SLC30A8: variants seen among roughly 807,000 people sequenced by gnomAD.
SLC30A8 encodes solute carrier family 30 member 8, also known as proton-coupled zinc antiporter SLC30A8.
SLC30A8 carries 27 observed loss-of-function variants against 36.9 expected under a neutral mutation model. That is an observed-to-expected ratio of 0.73 (90% CI 0.54 to 1.01). The LOEUF is 1.01. SLC30A8 is among the 50% of genes least tolerant of loss of function. The probability of loss-of-function intolerance (pLI) is 0.00; values close to 1 mark genes in which losing one functional copy is unlikely to be tolerated. For synonymous variants in SLC30A8, 164 were observed against 172.4 expected (o/e 0.95, Z 0.38); for missense variants, 439 against 452.0 (o/e 0.97, Z 0.26).
chr8:117,149,097 C>T (rs970354369), intron 2 of SLC30A8, among the ~76,000 whole-genome samples: 1 of 152,066 alleles, frequency 6.6e-6, no homozygotes, highest in Non-Finnish European at 1.5e-5. Flanking sequence ...TAAATCAAAT[C>T]TATGTTTGAT....
chr8:117,073,848 G>A (rs1402934522), intron 2 of SLC30A8, among the ~76,000 whole-genome samples: 2 of 152,066 alleles, frequency 1.3e-5, no homozygotes, highest in East Asian at 3.9e-4. Flanking sequence ...TCTAGTGCCT[G>A]CCTAAGTTCC....
At position 117,019,264 on chromosome 8, in the gene SLC30A8, A is replaced by C. The variant is rs1006997968; in HGVS notation, c.-265-19955A>C. 3.9e-5 allele frequency among the ~76,000 whole-genome samples: 6 copies of C among 152,236 alleles called. No homozygotes were observed. The East Asian group carries it at 1.2e-3, about 29-fold the overall frequency. The stretch of plus-strand genomic sequence containing the variant: ...TCAACGCATTTTTAAAAACTGAATC[A>C]ATGTATATAACAATGTAAACTAGTG... On this transcript the variant is annotated intron_variant, in intron 1 of 10. Transcript: ENST00000427715.
chr8:116,975,644 C>G (rs1814971109), intron 1 of SLC30A8, among the ~76,000 whole-genome samples: 1 of 152,170 alleles, frequency 6.6e-6, no homozygotes, highest in Non-Finnish European at 1.5e-5. Context: ...CTGTTTCCTT[C>G]TGCATTTAGC....
chr8:117,038,879 C>T (rs922879683), intron 1 of SLC30A8, among the ~76,000 whole-genome samples: 4 of 152,148 alleles, frequency 2.6e-5, no homozygotes, highest in African/African-American at 9.7e-5. Flanking sequence ...AAGTGTTTGC[C>T]TTGGTGTTTT....
At chr8:117,131,821 T>C (rs1051828571), upstream of SLC30A8, among the ~76,000 whole-genome samples, 12 of 152,132 alleles carry the variant, frequency 7.9e-5, no homozygotes, top group African/African-American at 2.6e-4. Context: ...TTATCTGTTT[T>C]CCTCTTCACA....
chr8:117,053,936 C>G (rs1817788418), intron 2 of SLC30A8, among the ~76,000 whole-genome samples: 1 of 152,158 alleles, frequency 6.6e-6, no homozygotes, highest in African/African-American at 2.4e-5. Context: ...GAAGTGAGCA[C>G]TCAGTGGTAG....
At chr8:117,046,506 G>T (rs1292094034) in intron 2 of SLC30A8, among the ~76,000 whole-genome samples, 1 of 152,180 alleles carries the variant, frequency 6.6e-6, no homozygotes, top group African/African-American at 2.4e-5. Flanking sequence ...ATAAATTAAA[G>T]AATAGGTGCC....
intron 2 of SLC30A8, among the ~76,000 whole-genome samples, chr8:117,079,020 T>C (rs1324644198): frequency 1.4e-5 from 2 of 146,730 alleles, no homozygotes; most frequent in African/African-American, 5.2e-5. Context: ...CTTTTTTGTC[T>C]TTTTTTTTTG....
At chr8:116,956,869 A>G (rs1814224116) in intron 1 of SLC30A8, among the ~76,000 whole-genome samples, 1 of 152,214 alleles carries the variant, frequency 6.6e-6, no homozygotes, top group African/African-American at 2.4e-5. Flanking sequence ...GACTGGTACC[A>G]ATTACAAAGT....
At chr8:117,052,449 CTA>C (rs1456099197) in intron 2 of SLC30A8, among the ~76,000 whole-genome samples, 2 of 152,370 alleles carry the variant, frequency 1.3e-5, no homozygotes, top group African/African-American at 4.8e-5. Context: ...TGGGAATGAA[CTA>C]TGTTTTGTAT....
chr8:117,057,949 T>G (rs1430363550), intron 2 of SLC30A8, among the ~76,000 whole-genome samples: 1 of 152,172 alleles, frequency 6.6e-6, no homozygotes, highest in Non-Finnish European at 1.5e-5. Flanking sequence ...ATTTTTAATT[T>G]TTTGAGGAAA....
intron 2 of SLC30A8, 105 bp downstream of exon 2, chr8:117,147,258 T>A: frequency 1.0e-6 from 1 of 978,596 alleles, no homozygotes; most frequent in Non-Finnish European, 1.5e-6. Context: ...ATATTTTCTG[T>A]AAGTATAAGG....
intron 1 of SLC30A8, among the ~76,000 whole-genome samples, chr8:116,966,019 G>A (rs574429871): frequency 4.6e-5 from 7 of 151,780 alleles, no homozygotes; most frequent in African/African-American, 1.7e-4. Context: ...AAGTAGCTGG[G>A]ATTACAGGCA....
rs772413486 is a variant in SLC30A8, at chr8:116,963,962, T to G, written c.-266+12843T>G. 1.4e-3 allele frequency among the ~76,000 whole-genome samples: 209 copies of G among 152,356 alleles called. 1 individual carries two copies. Among genetic ancestry groups the G allele is most frequent in the Non-Finnish European group, 2.4e-3 (164 of 68,028 alleles). On this transcript the variant is annotated intron_variant, in intron 1 of 10. Coordinates refer to the SLC30A8 transcript ENST00000427715. Reference sequence around the variant, plus strand: ...AACTTCAAAAGATTGTTCTGAGGATTAATAACCTTTGTGAAACGTTAAAGG... The same window carrying G: ...AACTTCAAAAGATTGTTCTGAGGATGAATAACCTTTGTGAAACGTTAAAGG...
intron 1 of SLC30A8, chr8:117,006,958 T>TTTG: frequency 1.4e-5 from 1 of 70,856 alleles, no homozygotes. Context: ...AATTCTTGTT[T>TTTG]TTTTTTTTTT....
chr8:116,998,669 C>T, intron 1 of SLC30A8, among the ~76,000 whole-genome samples: 1 of 152,060 alleles, frequency 6.6e-6, no homozygotes, highest in Non-Finnish European at 1.5e-5. Context: ...TAGAGTGGCC[C>T]CAAACCCAAT....
chr8:117,115,562 A>T (rs942825244), intron 2 of SLC30A8, among the ~76,000 whole-genome samples: 4 of 152,276 alleles, frequency 2.6e-5, no homozygotes, highest in South Asian at 2.1e-4. Context: ...AATAAGCATG[A>T]GCACCTTCAG....
intron 1 of SLC30A8, among the ~76,000 whole-genome samples, chr8:117,037,578 A>G (rs1055233280): frequency 3.3e-5 from 5 of 152,222 alleles, no homozygotes; most frequent in Admixed American, 3.3e-4. Context: ...TTTTTGAGAT[A>G]AAATGTACCA....
At chr8:116,957,110 C>T (rs1298930768) in intron 1 of SLC30A8, among the ~76,000 whole-genome samples, 1 of 152,000 alleles carries the variant, frequency 6.6e-6, no homozygotes, top group Non-Finnish European at 1.5e-5. Context: ...AAAAAAGTGG[C>T]ATTTTTTATA....
Sources: allele counts gnomAD v4.1 joint callset (sites outside exome capture counted in the v4.1 genomes callset), GRCh38; gene constraint gnomAD v4.1.1; transcripts MANE v1.5; gene names NCBI Gene and HGNC (gene_info 2026-07-23, HGNC 2026-07-21).